The following SLC6A3 variants were observed in gnomAD, a reference collection of about 807,000 sequenced individuals.
SLC6A3 encodes the protein solute carrier family 6 member 3, also known as sodium-dependent dopamine transporter.
Under a neutral mutation model 70.4 loss-of-function variants are expected in SLC6A3, and 19 were observed. That is an observed-to-expected ratio of 0.27 (90% confidence interval 0.19 to 0.40). The LOEUF (loss-of-function observed/expected upper bound fraction) is 0.40, where lower values mean the gene tolerates loss of function less well. SLC6A3 is among the 10% of genes least tolerant of loss of function. The probability of loss-of-function intolerance (pLI) is 1.00; values close to 1 mark genes in which losing one functional copy is unlikely to be tolerated. For missense variants in SLC6A3, 613 were observed against 838.5 expected (o/e 0.73, Z 3.32); for synonymous variants, 368 against 356.6 (o/e 1.03, Z -0.36).
chr5:1,427,755 A>C (rs1324823262), intron 4 of SLC6A3, among the ~76,000 whole-genome samples: 1 of 152,262 alleles, frequency 6.6e-6, no homozygotes, highest in African/African-American at 2.4e-5. Context: ...AATCTAACCC[A>C]GAAGGATAGT....
rs890551087 is a variant in SLC6A3, at chr5:1,437,739, G to C, written c.418+3620C>G. 6.6e-6 allele frequency among the ~76,000 whole-genome samples: 1 copy of C among 152,224 alleles called. No individual in the cohort carries two copies. Among genetic ancestry groups the C allele is most frequent in the African/African-American group, 2.4e-5 (1 of 41,460 alleles). On this transcript the variant is annotated intron_variant, in intron 3 of 14. Transcript: ENST00000270349. The surrounding 1 kb of genome is among the most constrained non-coding windows in gnomAD (Gnocchi z 4.8). ...AGCAGCTCGCAGGTCTGCAGGAGGG[G>C]AAGGGCCAGGAACAACCAGGCTTCC...
At position 1,408,939 on chromosome 5, in the gene SLC6A3, G is replaced by A; in HGVS notation, c.1498+87C>T. The A allele has an allele frequency of 1.1e-6, 1 of 916,960 alleles. No homozygotes were observed. The highest frequency in any genetic ancestry group is 1.8e-6 in the Non-Finnish European group (1 of 564,068). The allele number at this position is 916,960 out of a possible 1,614,324, so 56.8% of individuals were successfully genotyped here. ...CCCAGGCTTCCTGCAGCTGAAAGGT[G>A]TTTCCTCACGGAGCCTTTTTCAGAA... On this transcript the variant is annotated intron_variant, in intron 11 of 14. Transcript: ENST00000270349. The surrounding 1 kb of genome is among the most constrained non-coding windows in gnomAD (Gnocchi z 6.4).
chr5:1,419,335 C>CCATA (rs1433257018), intron 6 of SLC6A3, among the ~76,000 whole-genome samples: 1 of 148,924 alleles, frequency 6.7e-6, no homozygotes, highest in Non-Finnish European at 1.5e-5. Flanking sequence ...ATCCATCCAT[C>CCATA]CATCCATCCA....
In SLC6A3 at chr5:1,405,799, C is replaced by G. The variant is rs2126331048; in HGVS notation, c.1599+389G>C. Among the ~76,000 whole-genome samples, 1 of 152,350 alleles carries G rather than the reference C, an allele frequency of 6.6e-6. No homozygotes were observed. Among genetic ancestry groups the G allele is most frequent in the Non-Finnish European group, 1.5e-5 (1 of 68,028 alleles). On this transcript the variant is annotated intron_variant, in intron 12 of 14. Transcript: ENST00000270349. The surrounding 1 kb of genome is among the most constrained non-coding windows in gnomAD (Gnocchi z 5.3). Reference sequence around the variant, plus strand: ...GGGCCGAGGCCCCTGCTGCTCTCATCCAGCACTCGGCATCCTTTGTCCCCA... The same window carrying G: ...GGGCCGAGGCCCCTGCTGCTCTCATGCAGCACTCGGCATCCTTTGTCCCCA...
At position 1,398,871 on chromosome 5, in the gene SLC6A3, A is replaced by G. The variant is rs577793770; in HGVS notation, c.1839+2044T>C. ...AAAACCTGATAGAACTGAGGGGAACAGCAAACAAATATACTATCGAGGAAG... is the reference window on the plus strand; with the variant it reads ...AAAACCTGATAGAACTGAGGGGAACGGCAAACAAATATACTATCGAGGAAG... On this transcript the variant is annotated intron_variant, in intron 14 of 14. Coordinates refer to ENST00000270349, the MANE Select transcript of SLC6A3 (RefSeq NM_001044.5). Among the ~76,000 whole-genome samples, 7 of 152,378 alleles carry G rather than the reference A, an allele frequency of 4.6e-5. No individual in the cohort carries two copies. In the South Asian group the frequency reaches 1.4e-3, roughly 32 times the overall value.
rs1235714334 is a variant in SLC6A3 at position 1,421,138 on chromosome 5, A to G, written c.793-435T>C. On this transcript the variant is annotated intron_variant, in intron 5 of 14. Coordinates refer to ENST00000270349, the MANE Select transcript of SLC6A3 (RefSeq NM_001044.5). The surrounding 1 kb of genome is among the most constrained non-coding windows in gnomAD (Gnocchi z 7.2). ...CGCACTTTTCCAAGGGAGGAGTCGT[A>G]TCTTGGTCAAAACTGGTTTTGGCCC... Among the ~76,000 whole-genome samples, 1 of 151,124 alleles carries G rather than the reference A, an allele frequency of 6.6e-6. No individual in the cohort carries two copies. The highest frequency in any genetic ancestry group is 1.5e-5 in the Non-Finnish European group (1 of 67,930).
chr5:1,402,971 G>A lies in SLC6A3; in HGVS notation c.1718C>T (p.Pro573Leu), dbSNP rs766401816. ...VIATSSMAMV[P>L]IYAAYKFCSL... Reference sequence around the variant, plus strand: ...GCAGAACTTGTAGGCCGCATAGATGGGCACCATGGCCATGGAGGATGTGGC... The same window carrying A: ...GCAGAACTTGTAGGCCGCATAGATGAGCACCATGGCCATGGAGGATGTGGC... Residue 573 changes from proline to leucine, a missense_variant, in exon 13 of 15, where the codon CCC becomes CTC. Pro to Leu is a moderately conservative substitution (Grantham distance 98, BLOSUM62 -3). Coordinates refer to ENST00000270349, the MANE Select transcript of SLC6A3 (RefSeq NM_001044.5). The surrounding 1 kb of genome is among the most constrained non-coding windows in gnomAD (Gnocchi z 8.5). 1 of 1,614,056 alleles carries A rather than the reference G, an allele frequency of 6.2e-7. No individual in the cohort carries two copies. Among genetic ancestry groups the A allele is most frequent in the Non-Finnish European group, 8.5e-7 (1 of 1,180,026 alleles).
chr5:1,417,162 ACC>A (rs1453267239), intron 6 of SLC6A3, among the ~76,000 whole-genome samples: 1 of 150,794 alleles, frequency 6.6e-6, no homozygotes, highest in African/African-American at 2.5e-5. Context: ...CACAGACTCA[ACC>A]ACAGGCTACA....
intron 7 of SLC6A3, 32 bp downstream of exon 7, chr5:1,416,066 G>A (rs373025516): frequency 6.7e-6 from 10 of 1,503,624 alleles, no homozygotes; most frequent in Non-Finnish European, 9.3e-6. Flanking sequence ...TAGTATTGAT[G>A]AGGCCCCTGC....
At position 1,393,077 on chromosome 5, in the gene SLC6A3, T is replaced by C. The variant is rs1357636352; in HGVS notation, c.*1658A>G. The C allele has an allele frequency of 1.3e-5, 2 of 151,876 alleles. No homozygotes were observed. Among genetic ancestry groups the C allele is most frequent in the South Asian group, 2.1e-4 (1 of 4,814 alleles). The allele number at this position is 151,876 out of a possible 1,614,324, so 9.4% of individuals were successfully genotyped here. The stretch of plus-strand genomic sequence containing the variant: ...CTCTGTGTCCCTCCCCAGAAGGCAA[T>C]GGGGAAGCCATCCTCTGTGCTAACT... On this transcript the variant is annotated 3_prime_UTR_variant, in exon 15 of 15. Transcript: ENST00000270349.
chr5:1,415,416 G>T lies in SLC6A3; in HGVS notation c.1032-601C>A, dbSNP rs977331743. On this transcript the variant is annotated intron_variant, in intron 7 of 14. Coordinates refer to ENST00000270349, the MANE Select transcript of SLC6A3 (RefSeq NM_001044.5). ...TCTGCAGAGCACCTGGACCCAGGTG[G>T]ACGCAGGTGGGCTGCGGGCAGGCGC... is the stretch of plus-strand genomic sequence containing the variant. Among the ~76,000 whole-genome samples the T allele has an allele frequency of 2.6e-5, 4 of 152,282 alleles. No homozygotes were observed. In the South Asian group the frequency reaches 8.3e-4, roughly 32 times the overall value.
At chr5:1,416,316 T>C (rs565978222) in intron 6 of SLC6A3, 115 bp from the exon 7 acceptor site, 1 of 749,310 alleles carries the variant, frequency 1.3e-6, no homozygotes, top group South Asian at 1.4e-5. Context: ...CTCAACACCA[T>C]CCTCAAGAAG....
At chr5:1,412,424 G>T (rs902680054) in intron 8 of SLC6A3, among the ~76,000 whole-genome samples, 1 of 152,232 alleles carries the variant, frequency 6.6e-6, no homozygotes, top group Admixed American at 6.5e-5. Context: ...ATCCCTGCAA[G>T]CGAGGGGCAC....
At chr5:1,434,423 G>A (rs560193546) in intron 3 of SLC6A3, among the ~76,000 whole-genome samples, 1 of 152,368 alleles carries the variant, frequency 6.6e-6, no homozygotes, top group African/African-American at 2.4e-5. Context: ...TCACAGACCT[G>A]GAATTTGGGA....
rs150943426 is a variant in SLC6A3 at position 1,402,480 on chromosome 5, G to A, written c.1767+442C>T. On this transcript the variant is annotated intron_variant, in intron 13 of 14. Coordinates refer to ENST00000270349, the MANE Select transcript of SLC6A3 (RefSeq NM_001044.5). The surrounding 1 kb of genome is among the most constrained non-coding windows in gnomAD (Gnocchi z 8.5). ...ACCCCTGATTCTACCGCCCTCAGAT[G>A]GCTTCTGTGTCCACCACACCACATA... Among the ~76,000 whole-genome samples, 1 of 152,160 alleles carries A rather than the reference G, an allele frequency of 6.6e-6. No individual in the cohort carries two copies. The highest frequency in any genetic ancestry group is 1.9e-4 in the East Asian group (1 of 5,152).
At chr5:1,414,526 G>A (rs1465467839) in intron 8 of SLC6A3, among the ~76,000 whole-genome samples, 165 bp downstream of exon 8, 2 of 151,606 alleles carry the variant, frequency 1.3e-5, no homozygotes, top group African/African-American at 4.9e-5. Context: ...GGGCAGGTCT[G>A]TACTGGGATG....
intron 1 of SLC6A3, among the ~76,000 whole-genome samples, chr5:1,445,116 G>GCT (rs1328357061): frequency 1.3e-5 from 2 of 152,212 alleles, no homozygotes; most frequent in Non-Finnish European, 2.9e-5. Context: ...CCTGGAGCGG[G>GCT]GCCAGGGGCA....
At position 1,402,863 on chromosome 5, in the gene SLC6A3, C is replaced by T. The variant is rs1216651050; in HGVS notation, c.1767+59G>A. 3.2e-6 allele frequency: 5 copies of T among 1,564,342 alleles called. No individual in the cohort carries two copies. In the Admixed American group the frequency reaches 6.9e-5, roughly 22 times the overall value. ...AGGTGAGGACTGGGGCCATGGACAC[C>T]CACGGAGCCTTTCTGGTGGCCTCAC... On this transcript the variant is annotated intron_variant, in intron 13 of 14. Transcript: ENST00000270349. The surrounding 1 kb of genome is among the most constrained non-coding windows in gnomAD (Gnocchi z 8.5).
At position 1,414,758 on chromosome 5, in the gene SLC6A3, G is replaced by A. The variant is rs114461544; in HGVS notation, c.1089C>T (p.Val363=). 396 of 1,612,894 alleles carry A rather than the reference G, an allele frequency of 2.5e-4. No individual in the cohort carries two copies. Among genetic ancestry groups the A allele is most frequent in the Non-Finnish European group, 2.8e-4 (335 of 1,179,888 alleles). The part of the protein sequence containing the change: ...NSLTSFSSGF[V]VFSFLGYMAQ... Reference sequence around the variant, plus strand: ...CCATGTACCCCAGGAAGGAGAAGACGACGAAGCCGGAGGAGAAGCTCGTCA... The same window carrying A: ...CCATGTACCCCAGGAAGGAGAAGACAACGAAGCCGGAGGAGAAGCTCGTCA... Residue 363 remains valine, a synonymous_variant, in exon 8 of 15, where the codon GTC becomes GTT. Transcript: ENST00000270349.
Sources: gnomAD v4.1 joint callset for allele counts (sites outside exome capture counted in the v4.1 genomes callset) on GRCh38, gnomAD v4.1.1 for gene constraint, Gnocchi (gnomAD v3.1) non-coding constraint, MANE v1.5 for transcripts, NCBI Gene and HGNC (gene_info 2026-07-23, HGNC 2026-07-21) for gene names.